Variants in ZNF512B observed in about 807,000 individuals in gnomAD.
ZNF512B encodes zinc finger protein 512B.
ZNF512B carries 22 observed loss-of-function variants against 87.8 expected under a neutral mutation model. The observed-to-expected ratio is 0.25, with a 90% CI of 0.18 to 0.36. The LOEUF is 0.36. Among genes scored for constraint, ZNF512B ranks in the 10% least tolerant of loss-of-function variants. The pLI is 1.00. For missense variants in ZNF512B, 1,060 were observed against 1,231.6 expected (o/e 0.86, Z 2.09); for synonymous variants, 524 against 490.9 (o/e 1.07, Z -0.89).
Position 63,964,726 on chromosome 20 carries a change from G to C in ZNF512B, c.1035-10C>G. 10 of 1,609,586 alleles carry C rather than the reference G, an allele frequency of 6.2e-6. No homozygotes were observed. The highest frequency in any genetic ancestry group is 7.6e-6 in the Non-Finnish European group (9 of 1,179,162). On this transcript the variant is annotated splice_polypyrimidine_tract_variant and intron_variant, in intron 5 of 16. Transcript: ENST00000369888. ...CAGGCTGTCCGCAGCCCTGCAGGGA[G>C]CAGGTGAGGTGAGGGCCAGGAGGGC...
chr20:63,966,847 C>T (rs762915334), intron 4 of ZNF512B, 29 bp downstream of exon 4: 1 of 1,613,016 alleles, frequency 6.2e-7, no homozygotes, highest in South Asian at 1.1e-5. Context: ...ACCCCGAGGC[C>T]TCCTCTCCCC....
In ZNF512B at chr20:63,964,171, C is replaced by T; in HGVS notation, c.1380G>A (p.Lys460=). ...CGTCCTCAGGGCCTGGCCCCTCCTG[C>T]TTCTTGGAGCGGTGAACTCGGGCCT... is the stretch of plus-strand genomic sequence containing the variant. ...EDKARVHRSK[K]QEGPGPEDAR... Residue 460 remains lysine (K), a synonymous_variant, in exon 8 of 17, where the codon AAG becomes AAA. Coordinates refer to ENST00000369888, the MANE Select transcript of ZNF512B (RefSeq NM_020713.3). The T allele has an allele frequency of 9.4e-6, 15 of 1,599,140 alleles. No homozygotes were observed. Among genetic ancestry groups the T allele is most frequent in the Non-Finnish European group, 1.3e-5 (15 of 1,173,702 alleles).
Position 63,963,686 on chromosome 20 carries a change from G to A in ZNF512B, c.1630C>T (p.His544Tyr). 1 of 1,613,492 alleles carries A rather than the reference G, an allele frequency of 6.2e-7. No individual in the cohort carries two copies. The highest frequency in any genetic ancestry group is 8.5e-7 in the Non-Finnish European group (1 of 1,180,030). Reference protein sequence around the residue: ...QKLQDALKCQHCRKQFKSKAG... With the variant: ...QKLQDALKCQYCRKQFKSKAG... ...TTGGACTTGAACTGCTTCCGGCAGTGCTGGCACTTGAGTGCATCCTGAAGC... is the reference window on the plus strand; with the variant it reads ...TTGGACTTGAACTGCTTCCGGCAGTACTGGCACTTGAGTGCATCCTGAAGC... The change falls in exon 10 of 17, where the codon CAC becomes TAC. Residue 544 changes from histidine to tyrosine, a missense_variant. This residue lies in a region of ZNF512B where 37 missense variants were observed against 72.6 expected (regional missense o/e 0.51). Transcript: ENST00000369888.
rs145449636 is a variant in ZNF512B at position 63,966,734 on chromosome 20, G to A, written c.441C>T (p.Ala147=). Reference sequence around the variant, plus strand: ...CCAGCTGGGTCTTAGAGGTGAATGCGGCCTCGCAGAAGGGGCAGGGGAAGG... The same window carrying A: ...CCAGCTGGGTCTTAGAGGTGAATGCAGCCTCGCAGAAGGGGCAGGGGAAGG... ...RLAFPCPFCE[A]AFTSKTQLEK... is the part of the protein sequence containing the mutation. The change falls in exon 5 of 17, where the codon GCC becomes GCT. Residue 147 remains alanine (A), a synonymous_variant. Coordinates refer to ENST00000369888, the MANE Select transcript of ZNF512B (RefSeq NM_020713.3). 1.0e-5 allele frequency: 16 copies of A among 1,603,794 alleles called. No individual in the cohort carries two copies. Among genetic ancestry groups the A allele is most frequent in the East Asian group, 4.5e-5 (2 of 44,800 alleles).
chr20:63,968,528 A>G (rs1020862704), intron 1 of ZNF512B, among the ~76,000 whole-genome samples: 3 of 152,142 alleles, frequency 2.0e-5, no homozygotes, highest in Admixed American at 6.5e-5. Context: ...CCAGGCAGGT[A>G]CCCTTGGAAT....
In ZNF512B at chr20:63,958,541, A is replaced by G. The variant is rs2058818855; in HGVS notation, c.*1347T>C. The G allele has an allele frequency of 6.6e-6, 1 of 152,076 alleles. No homozygotes were observed. Among genetic ancestry groups the G allele is most frequent in the Admixed American group, 6.5e-5 (1 of 15,270 alleles). 9.4% of individuals were successfully genotyped at this position (152,076 alleles called of 1,614,324 possible). On this transcript the variant is annotated 3_prime_UTR_variant, in exon 17 of 17. Coordinates refer to ENST00000369888, the MANE Select transcript of ZNF512B (RefSeq NM_020713.3). ...AGCCCACTCCCACCCACCCTGGAAA[A>G]TGGCCTCCCTCCAAACCTACCCCCT...
chr20:63,964,098 G>T lies in ZNF512B; in HGVS notation c.1453C>A (p.Pro485Thr). Residue 485 changes from proline to threonine, a missense_variant, in exon 8 of 17, where the codon CCG becomes ACG. Coordinates refer to ENST00000369888, the MANE Select transcript of ZNF512B (RefSeq NM_020713.3). ...AAPITVSKEA[P>T]APVAHPAPGG... ...GGAGCTGGGTGGGCCACAGGGGCCG[G>T]TGCCTCCTTGCTGACAGTGATGGGG... The T allele has an allele frequency of 1.9e-6, 3 of 1,609,946 alleles. No homozygotes were observed. The East Asian group carries it at 6.7e-5, about 36-fold the overall frequency.
rs553936603 is a variant in ZNF512B, at chr20:63,959,705, T to C, written c.*183A>G. 10 of 920,880 alleles carry C rather than the reference T, an allele frequency of 1.1e-5. No homozygotes were observed. The South Asian group carries it at 1.9e-4, about 17-fold the overall frequency. The allele number at this position is 920,880 out of a possible 1,614,324, so 57.0% of individuals were successfully genotyped here. A position where few individuals can be genotyped will look rare whatever the true frequency, so the allele number is the denominator to read the frequency against. ...GGAGCCCCAACCCAGGTGTGCCCTG[T>C]GGCAGCCTTAACAGGGGAAGGGCCA... is the stretch of plus-strand genomic sequence containing the variant. On this transcript the variant is annotated 3_prime_UTR_variant, in exon 17 of 17. Coordinates refer to ENST00000369888, the MANE Select transcript of ZNF512B (RefSeq NM_020713.3).
chr20:63,967,995 C>T, intron 1 of ZNF512B, 43 bp from the exon 2 acceptor site: 1 of 1,577,816 alleles, frequency 6.3e-7, no homozygotes, highest in Non-Finnish European at 8.6e-7. Context: ...ACGGGCCCCA[C>T]TTGGAACACG....
Position 63,959,935 on chromosome 20 carries a change from C to G in ZNF512B, c.2632G>C (p.Gly878Arg). 1 of 1,608,118 alleles carries G rather than the reference C, an allele frequency of 6.2e-7. No individual in the cohort carries two copies. Among genetic ancestry groups the G allele is most frequent in the Non-Finnish European group, 8.5e-7 (1 of 1,178,824 alleles). Residue 878 changes from glycine to arginine, a missense_variant, in exon 17 of 17, where the codon GGC (glycine) becomes CGC (arginine). Gly to Arg is a moderately radical substitution (Grantham distance 125). This residue lies in a region of ZNF512B where 253 missense variants were observed against 259.2 expected (regional missense o/e 0.98). Transcript: ENST00000369888. Reference sequence around the variant, plus strand: ...ACTCCCACCTTCCGGCCGGTGGAGCCCCGGGCCCCCTTGTCTCTGCATCCT... The same window carrying G: ...ACTCCCACCTTCCGGCCGGTGGAGCGCCGGGCCCCCTTGTCTCTGCATCCT... ...PPGCRDKGARGSTGRKVGVSK... is the reference protein window; with the variant it reads ...PPGCRDKGARRSTGRKVGVSK...
At chr20:63,960,219 C>T in intron 16 of ZNF512B, 80 bp from the exon 17 acceptor site, 1 of 1,564,690 alleles carries the variant, frequency 6.4e-7, no homozygotes, top group Non-Finnish European at 8.7e-7. Context: ...GAGCTGAAGA[C>T]CTGTCAGCCT....
chr20:63,963,470 G>T (rs1443607994), intron 10 of ZNF512B, 30 bp from the exon 11 acceptor site: 24 of 1,545,484 alleles, frequency 1.6e-5, no homozygotes, highest in Non-Finnish European at 2.1e-5. Context: ...CGGTGACCCG[G>T]CACCATCGCC....
intron 16 of ZNF512B, among the ~76,000 whole-genome samples, chr20:63,960,904 C>T (rs986705684): frequency 2.0e-5 from 3 of 148,040 alleles, no homozygotes; most frequent in Non-Finnish European, 4.5e-5. Flanking sequence ...CTGGACACAG[C>T]CTTCAGGACC....
intron 1 of ZNF512B, among the ~76,000 whole-genome samples, chr20:63,968,814 C>T (rs1239392920): frequency 6.6e-6 from 1 of 152,252 alleles, no homozygotes; most frequent in African/African-American, 2.4e-5. Flanking sequence ...GAGAGAACGC[C>T]CTGCTGCCCA....
At chr20:63,962,904 TG>T in intron 12 of ZNF512B, 123 bp from the exon 13 acceptor site, 1 of 1,271,982 alleles carries the variant, frequency 7.9e-7, no homozygotes, top group Non-Finnish European at 1.1e-6. Context: ...GGGACATGGC[TG>T]ACGCAGGCAA....
chr20:63,966,151 C>T lies in ZNF512B; in HGVS notation c.1024G>A (p.Gly342Ser), dbSNP rs1457111620. The change falls in exon 5 of 17, where the codon GGT (glycine) becomes AGT (serine). Residue 342 changes from glycine to serine, a missense_variant. By Grantham distance (56) the Gly-to-Ser change is moderately conservative. Transcript: ENST00000369888. The part of the protein sequence containing the change: ...KAPRATGRNS[G>S]KKRAADSLDT... Reference sequence around the variant, plus strand: ...GACGAGCCCCCATACCTTTTCTTACCACTGTTCCTCCCTGTGGCACGAGGT... The same window carrying T: ...GACGAGCCCCCATACCTTTTCTTACTACTGTTCCTCCCTGTGGCACGAGGT... 2.5e-6 allele frequency: 4 copies of T among 1,600,354 alleles called. No individual in the cohort carries two copies. The highest frequency in any genetic ancestry group is 2.2e-5 in the East Asian group (1 of 44,790).
rs377045068 is a variant in ZNF512B at position 63,959,999 on chromosome 20, A to C, written c.2568T>G (p.Pro856=). Residue 856 remains proline, a synonymous_variant, in exon 17 of 17, where the codon CCT becomes CCG. Coordinates refer to ENST00000369888, the MANE Select transcript of ZNF512B (RefSeq NM_020713.3). The stretch of plus-strand genomic sequence containing the variant: ...CCCGGCGCGGGGGCAGCTTGGCCAC[A>C]GGCTCCTCTGGGGTCCGCTCCTTGG... ...RKPKERTPEE[P]VAKLPPRRDD... is the part of the protein sequence containing the mutation. 3 of 1,613,128 alleles carry C rather than the reference A, an allele frequency of 1.9e-6. No individual in the cohort carries two copies. In the Admixed American group the frequency reaches 5.0e-5, roughly 27 times the overall value.
intron 16 of ZNF512B, 48 bp from the exon 17 acceptor site, chr20:63,960,187 A>G (rs760134869): frequency 5.6e-6 from 9 of 1,605,350 alleles, no homozygotes; most frequent in Admixed American, 1.7e-5. Flanking sequence ...GATGCTGAGC[A>G]CCTGAGCCAG....
Position 63,962,867 on chromosome 20 carries a change from T to A in ZNF512B, c.1969-86A>T. On this transcript the variant is annotated intron_variant, in intron 12 of 16. Transcript: ENST00000369888. Reference sequence around the variant, plus strand: ...CGCGGCGAGGCCACCCTAAGGCCGGTGGACCCACAGGCCTCCCAGTGTGCT... The same window carrying A: ...CGCGGCGAGGCCACCCTAAGGCCGGAGGACCCACAGGCCTCCCAGTGTGCT... The A allele has an allele frequency of 2.9e-6, 4 of 1,387,322 alleles. No homozygotes were observed. In the South Asian group the frequency reaches 5.7e-5, roughly 20 times the overall value. 85.9% of individuals were successfully genotyped at this position (1,387,322 alleles called of 1,614,324 possible). A position where few individuals can be genotyped will look rare whatever the true frequency, so the allele number is the denominator to read the frequency against.
Sources: gnomAD v4.1 joint callset for allele counts (sites outside exome capture counted in the v4.1 genomes callset) on GRCh38, gnomAD v4.1.1 for gene constraint, gnomAD v4.1.1 regional missense constraint, MANE v1.5 for transcripts, NCBI Gene and HGNC (gene_info 2026-07-23, HGNC 2026-07-21) for gene names.